The following KCNH7 variants were observed in gnomAD, a reference collection of about 807,000 sequenced individuals.
The protein encoded by KCNH7 is voltage-gated inwardly rectifying potassium channel KCNH7.
In KCNH7, 49 loss-of-function variants were observed where a neutral mutation model predicts 120.8. That is an observed-to-expected ratio of 0.41 (90% CI 0.32 to 0.51). The LOEUF (loss-of-function observed/expected upper bound fraction) is 0.51. Among genes scored for constraint, KCNH7 ranks in the 20% least tolerant of loss-of-function variants. The pLI is 0.38. For missense variants in KCNH7, 1,097 were observed against 1,446.6 expected (o/e 0.76, Z 3.92); for synonymous variants, 547 against 516.1 (o/e 1.06, Z -0.81).
chr2:162,770,730 A>G (rs964429765), intron 2 of KCNH7, among the ~76,000 whole-genome samples: 1 of 151,976 alleles, frequency 6.6e-6, no homozygotes. Context: ...GTTCTTGTGT[A>G]TTATCAATAT....
In KCNH7 at chr2:162,386,632, T is replaced by A. The variant is rs76679226; in HGVS notation, c.2711-1693A>T. Among the ~76,000 whole-genome samples, 205 of 151,924 alleles carry A rather than the reference T, an allele frequency of 1.3e-3. 1 individual carries two copies. The highest frequency in any genetic ancestry group is 3.4e-3 in the Middle Eastern group (1 of 294). On this transcript the variant is annotated intron_variant, in intron 12 of 15. Transcript: ENST00000332142. Reference sequence around the variant, plus strand: ...TTTTCATTTCTACACTTTTGTGGAGTGTTTTCCAGCAGCATCAAATGCAAG... The same window carrying A: ...TTTTCATTTCTACACTTTTGTGGAGAGTTTTCCAGCAGCATCAAATGCAAG...
At position 162,703,355 on chromosome 2, in the gene KCNH7, T is replaced by G. The variant is rs367706254; in HGVS notation, c.307+133182A>C. 7.1e-4 allele frequency among the ~76,000 whole-genome samples: 108 copies of G among 152,268 alleles called. No homozygotes were observed. The South Asian group carries it at 0.019, about 27-fold the overall frequency. On this transcript the variant is annotated intron_variant, in intron 2 of 15. Coordinates refer to ENST00000332142, the MANE Select transcript of KCNH7 (RefSeq NM_033272.4). ...CCGGGTTCAAATTCAACTCTAGGTT[T>G]AATGGTATAACAGGGTATAATAACA...
At chr2:162,385,430 A>G (rs993273898) in intron 12 of KCNH7, among the ~76,000 whole-genome samples, 1 of 151,932 alleles carries the variant, frequency 6.6e-6, no homozygotes, top group Admixed American at 6.6e-5. Context: ...CTGAATTTCA[A>G]CCTTAGTCTG....
intron 3 of KCNH7, among the ~76,000 whole-genome samples, chr2:162,523,445 C>T (rs1001860266): frequency 6.6e-6 from 1 of 151,842 alleles, no homozygotes; most frequent in Admixed American, 6.6e-5. Context: ...CATTTATAAC[C>T]TATTTCCTAT....
At chr2:162,679,869 C>T (rs962087082) in intron 2 of KCNH7, among the ~76,000 whole-genome samples, 1 of 151,628 alleles carries the variant, frequency 6.6e-6, no homozygotes, top group Non-Finnish European at 1.5e-5. Context: ...TTTTGAAGAA[C>T]CTTTCTAAAA....
chr2:162,752,679 A>G (rs537861359), intron 2 of KCNH7, among the ~76,000 whole-genome samples: 1 of 151,694 alleles, frequency 6.6e-6, no homozygotes, highest in East Asian at 1.9e-4. Context: ...CAGGCAGATC[A>G]CTTGAGGTCA....
At chr2:162,681,841 C>A (rs1231743675) in intron 2 of KCNH7, among the ~76,000 whole-genome samples, 6 of 149,824 alleles carry the variant, frequency 4.0e-5, no homozygotes, top group Non-Finnish European at 8.9e-5. Context: ...TAAAAGGAAT[C>A]CTTCTATTAC....
At chr2:162,428,956 A>ACT (rs1243056766) in intron 8 of KCNH7, among the ~76,000 whole-genome samples, 1 of 151,808 alleles carries the variant, frequency 6.6e-6, no homozygotes, top group East Asian at 1.9e-4. Context: ...TAATTTCTCC[A>ACT]TTTCAATGAA....
intron 2 of KCNH7, among the ~76,000 whole-genome samples, chr2:162,572,047 G>A (rs1337140997): frequency 1.3e-5 from 2 of 151,822 alleles, no homozygotes; most frequent in Non-Finnish European, 2.9e-5. Context: ...TTGACAAATG[G>A]GATCTAATTA....
At chr2:162,837,075 A>G (rs1408554469) in intron 1 of KCNH7, among the ~76,000 whole-genome samples, 2 of 152,208 alleles carry the variant, frequency 1.3e-5, no homozygotes, top group African/African-American at 4.8e-5. Context: ...ACACTCAGAC[A>G]AGCAGCTGCC....
intron 13 of KCNH7, among the ~76,000 whole-genome samples, chr2:162,381,078 G>C (rs927695685): frequency 1.3e-5 from 2 of 152,024 alleles, no homozygotes; most frequent in African/African-American, 4.8e-5. Context: ...ACTGGAGCTG[G>C]GAGTTGACTT....
Position 162,465,738 on chromosome 2 carries a change from C to T in KCNH7, c.1129-19295G>A, listed in dbSNP as rs533512131. On this transcript the variant is annotated intron_variant, in intron 6 of 15. Coordinates refer to ENST00000332142, the MANE Select transcript of KCNH7 (RefSeq NM_033272.4). ...TCAATATTGTACATTTACAAAAAAT[C>T]CATTAAGTATCATGTAAAGGTGCAT... Among the ~76,000 whole-genome samples, 6 of 152,186 alleles carry T rather than the reference C, an allele frequency of 3.9e-5. No homozygotes were observed. In the South Asian group the frequency reaches 1.2e-3, roughly 32 times the overall value.
At chr2:162,821,122 A>G (rs1685107152) in intron 2 of KCNH7, among the ~76,000 whole-genome samples, 1 of 152,202 alleles carries the variant, frequency 6.6e-6, no homozygotes, top group African/African-American at 2.4e-5. Flanking sequence ...AAAGAAAAAA[A>G]TGGTTCTACA....
chr2:162,820,079 G>C (rs1364823329), intron 2 of KCNH7, among the ~76,000 whole-genome samples: 2 of 121,538 alleles, frequency 1.6e-5, no homozygotes, highest in Non-Finnish European at 1.6e-5. Flanking sequence ...TCGCCCTGTC[G>C]CCCAGGCTGG....
chr2:162,776,747 C>T (rs1030947223), intron 2 of KCNH7, among the ~76,000 whole-genome samples: 1 of 152,090 alleles, frequency 6.6e-6, no homozygotes, highest in Non-Finnish European at 1.5e-5. Context: ...TCTCTCATAT[C>T]TTTATAATAT....
chr2:162,648,812 C>G (rs563044664), intron 2 of KCNH7, among the ~76,000 whole-genome samples: 151 of 152,154 alleles, frequency 9.9e-4, no homozygotes, highest in African/African-American at 3.5e-3. Flanking sequence ...AAGATCAGTT[C>G]AAATGCTACC....
intron 2 of KCNH7, among the ~76,000 whole-genome samples, chr2:162,553,175 G>T (rs1055567633): frequency 6.6e-5 from 10 of 152,314 alleles, no homozygotes; most frequent in Non-Finnish European, 8.8e-5. Flanking sequence ...GAAGTACAGT[G>T]TACGGAAATT....
chr2:162,487,189 T>G (rs778015294), intron 6 of KCNH7, among the ~76,000 whole-genome samples: 8 of 152,174 alleles, frequency 5.3e-5, no homozygotes, highest in African/African-American at 7.2e-5. Flanking sequence ...ACATAAATCT[T>G]ATGATTAAAA....
chr2:162,620,951 C>A (rs1313639330), intron 2 of KCNH7, among the ~76,000 whole-genome samples: 3 of 152,092 alleles, frequency 2.0e-5, no homozygotes, highest in Non-Finnish European at 2.9e-5. Context: ...GGATGAAAGG[C>A]ATAAGCTGGG....
Sources: allele counts gnomAD v4.1 joint callset (sites outside exome capture counted in the v4.1 genomes callset), GRCh38; gene constraint gnomAD v4.1.1; transcripts MANE v1.5; gene names NCBI Gene and HGNC (gene_info 2026-07-23, HGNC 2026-07-21).